The following PDAP1 variants were observed in gnomAD, a reference collection of about 807,000 sequenced individuals.
The protein encoded by PDAP1 is PDGFA associated protein 1.
PDAP1 carries 13 observed loss-of-function variants against 28.0 expected under a neutral mutation model. That is an observed-to-expected ratio of 0.46 (90% confidence interval 0.30 to 0.74). The LOEUF is 0.74. Ranked by LOEUF, PDAP1 falls within the 30% of genes least tolerant of loss-of-function variation. PDAP1 has a pLI of 0.07. For synonymous variants in PDAP1, 77 were observed against 85.1 expected, an observed-to-expected ratio of 0.91 and a Z score of 0.52; for missense variants, 150 against 230.0, an observed-to-expected ratio of 0.65 and a Z score of 2.25.
rs537087188 is a variant in PDAP1 at position 99,399,147 on chromosome 7, A to G, written c.336-1134T>C. ...GGCCTCCCAGAGGCCTTCAAGGTAC[A>G]CAGAACTGGGGAGTAATGAGAAACC... On this transcript the variant is annotated intron_variant, in intron 4 of 5. Coordinates refer to ENST00000350498, the MANE Select transcript of PDAP1 (RefSeq NM_014891.7). 5.3e-5 allele frequency among the ~76,000 whole-genome samples: 8 copies of G among 152,282 alleles called. No individual in the cohort carries two copies. In the East Asian group the frequency reaches 1.4e-3, roughly 26 times the overall value.
chr7:99,401,535 G>A (rs1437923147), intron 3 of PDAP1, among the ~76,000 whole-genome samples: 1 of 152,008 alleles, frequency 6.6e-6, no homozygotes, highest in Non-Finnish European at 1.5e-5. Context: ...ATGTTGGTCA[G>A]GCTGGTCTCG....
intron 1 of PDAP1, among the ~76,000 whole-genome samples, chr7:99,405,180 C>A (rs1013141630): frequency 2.0e-5 from 3 of 152,218 alleles, no homozygotes; most frequent in African/African-American, 7.2e-5. Context: ...CTGGCTCCTA[C>A]ACAGAAGACC....
chr7:99,398,588 C>T (rs183146288), intron 4 of PDAP1, among the ~76,000 whole-genome samples: 29 of 152,302 alleles, frequency 1.9e-4, no homozygotes, highest in African/African-American at 6.7e-4. Flanking sequence ...GCATGGCTCC[C>T]AGCTACATGG....
intron 5 of PDAP1, among the ~76,000 whole-genome samples, 188 bp from the exon 6 acceptor site, chr7:99,396,928 C>T (rs2150902830): frequency 6.6e-6 from 1 of 152,284 alleles, no homozygotes; most frequent in African/African-American, 2.4e-5. Flanking sequence ...ACATTCCCGA[C>T]ACGCTTCAGT....
chr7:99,400,353 C>T lies in PDAP1; in HGVS notation c.285G>A (p.Lys95=), dbSNP rs770047750. 5 of 1,614,010 alleles carry T rather than the reference C, an allele frequency of 3.1e-6. No homozygotes were observed. The South Asian group carries it at 4.4e-5, about 14-fold the overall frequency. The change falls in exon 4 of 6, where the codon AAG becomes AAA. Residue 95 remains lysine (K), a synonymous_variant. Transcript: ENST00000350498. ...NPNRVAQTTK[K]VTQLDLDGPK... is the part of the protein sequence containing the mutation. ...GCCCGTCCAGATCCAGTTGTGTGAC[C>T]TTTTTGGTTGTCTGTGCCACCCGGT... is the stretch of plus-strand genomic sequence containing the variant.
chr7:99,404,277 T>TA (rs1176201266), intron 2 of PDAP1, among the ~76,000 whole-genome samples: 1 of 152,060 alleles, frequency 6.6e-6, no homozygotes, highest in African/African-American at 2.4e-5. Flanking sequence ...AATCTAATGA[T>TA]ATGGTAAGAT....
At chr7:99,406,702 C>A in intron 1 of PDAP1, 2 of 681,560 alleles carry the variant, frequency 2.9e-6, no homozygotes, top group Non-Finnish European at 3.6e-6. Flanking sequence ...GAAGCTGAGG[C>A]CCACCTGATT....
At chr7:99,398,208 G>C (rs1376012997) in intron 4 of PDAP1, among the ~76,000 whole-genome samples, 195 bp from the exon 5 acceptor site, 1 of 152,258 alleles carries the variant, frequency 6.6e-6, no homozygotes, top group Non-Finnish European at 1.5e-5. Context: ...GAGAGGCCCA[G>C]GGAGAAAACA....
Position 99,394,779 on chromosome 7 carries a change from T to TTAA in PDAP1, c.*1902_*1903insTTA, listed in dbSNP as rs1554350911. On this transcript the variant is annotated 3_prime_UTR_variant, in exon 6 of 6. Coordinates refer to ENST00000350498, the MANE Select transcript of PDAP1 (RefSeq NM_014891.7). ...GTGGAGGTAATAAAATGCAACTGTGTAAAAAAAAAAAAAAAAAAAAAAGTA... is the reference window on the plus strand; with the variant it reads ...GTGGAGGTAATAAAATGCAACTGTGTTAAAAAAAAAAAAAAAAAAAAAAAAGTA... 47 of 958,176 alleles carry TTAA rather than the reference T, an allele frequency of 4.9e-5. No homozygotes were observed. The South Asian group carries it at 1.5e-3, about 30-fold the overall frequency. The allele number at this position is 958,176 out of a possible 1,614,324, so 59.4% of individuals were successfully genotyped here. A position where few individuals can be genotyped will look rare whatever the true frequency, so the allele number is the denominator to read the frequency against.
chr7:99,408,462 G>A, intron 1 of PDAP1, 74 bp downstream of exon 1: 1 of 1,286,986 alleles, frequency 7.8e-7, no homozygotes, highest in Non-Finnish European at 1.0e-6. Flanking sequence ...AGACGCGCAC[G>A]GGCTGAGGGG....
At chr7:99,403,903 G>T (rs1392283044) in intron 2 of PDAP1, among the ~76,000 whole-genome samples, 1 of 152,188 alleles carries the variant, frequency 6.6e-6, no homozygotes, top group East Asian at 1.9e-4. Flanking sequence ...GCCAAATCAT[G>T]CTGGCATTCC....
Position 99,397,943 on chromosome 7 carries a change from C to T in PDAP1, c.406G>A (p.Ala136Thr). ...KMHLAGKTEQ[A>T]KADLARLAII... ...GCCAGCCGGGCCAGGTCAGCCTTGG[C>T]TTGCTCTGTCTTCCCGGCCAAGTGC... Residue 136 changes from alanine to threonine, a missense_variant, in exon 5 of 6, where the codon GCC (alanine) becomes ACC (threonine). Transcript: ENST00000350498. The T allele has an allele frequency of 6.2e-7, 1 of 1,614,250 alleles. No individual in the cohort carries two copies. The highest frequency in any genetic ancestry group is 8.5e-7 in the Non-Finnish European group (1 of 1,180,038).
intron 1 of PDAP1, chr7:99,406,473 T>C: frequency 4.3e-6 from 3 of 698,420 alleles, no homozygotes; most frequent in Non-Finnish European, 5.3e-6. Flanking sequence ...GACTAAGAAA[T>C]GACTGGCAAA....
intron 3 of PDAP1, among the ~76,000 whole-genome samples, chr7:99,401,486 C>T (rs953665288): frequency 2.0e-5 from 3 of 151,972 alleles, no homozygotes; most frequent in African/African-American, 4.8e-5. Context: ...CCACCACCCC[C>T]GACTAATTTT....
chr7:99,405,833 A>C (rs970510703), intron 1 of PDAP1, among the ~76,000 whole-genome samples: 2 of 152,156 alleles, frequency 1.3e-5, no homozygotes, highest in African/African-American at 4.8e-5. Context: ...GCAGGTATTT[A>C]ACCTCTCAGT....
intron 4 of PDAP1, 60 bp downstream of exon 4, chr7:99,400,243 C>G: frequency 6.3e-7 from 1 of 1,590,512 alleles, no homozygotes; most frequent in Non-Finnish European, 8.6e-7. Context: ...ACCTTAGCAT[C>G]CCACAGGCCA....
chr7:99,399,963 G>C (rs1015879449), intron 4 of PDAP1, among the ~76,000 whole-genome samples: 1 of 152,218 alleles, frequency 6.6e-6, no homozygotes, highest in East Asian at 1.9e-4. Context: ...CGACATTACA[G>C]ATGGATGCAG....
Position 99,397,908 on chromosome 7 carries a change from C to T in PDAP1, c.441G>A (p.Arg147=), listed in dbSNP as rs1284528921. The T allele has an allele frequency of 1.9e-6, 3 of 1,614,004 alleles. No homozygotes were observed. The highest frequency in any genetic ancestry group is 1.7e-6 in the Non-Finnish European group (2 of 1,180,048). The change falls in exon 5 of 6, where the codon CGG becomes CGA. Residue 147 remains arginine, a synonymous_variant. Transcript: ENST00000350498. ...TCCGGGCAGCCTCCTCCCGCTGTTT[C>T]CGGATGATGGCCAGCCGGGCCAGGT... is the stretch of plus-strand genomic sequence containing the variant. ...KADLARLAII[R]KQREEAARKK... is the part of the protein sequence containing the mutation.
chr7:99,402,740 G>A (rs556977597), intron 3 of PDAP1, among the ~76,000 whole-genome samples: 89 of 151,680 alleles, frequency 5.9e-4, no homozygotes, highest in African/African-American at 2.1e-3. Context: ...AAATTAGCCC[G>A]GCGTGGTGGC....
Sources: gnomAD v4.1 joint callset for allele counts (sites outside exome capture counted in the v4.1 genomes callset) on GRCh38, gnomAD v4.1.1 for gene constraint, MANE v1.5 for transcripts, NCBI Gene and HGNC (gene_info 2026-07-23, HGNC 2026-07-21) for gene names.